STK11IP: variants seen among roughly 807,000 people sequenced by gnomAD.
The protein encoded by STK11IP is serine/threonine kinase 11 interacting protein, also known as serine/threonine-protein kinase 11-interacting protein.
In STK11IP, 103 loss-of-function variants were observed where a neutral mutation model predicts 131.7. The ratio of observed to expected loss-of-function variants is 0.78; its 90% confidence interval spans 0.67 to 0.92. The LOEUF (loss-of-function observed/expected upper bound fraction) is 0.92, where lower values mean the gene tolerates loss of function less well. Ranked by LOEUF, STK11IP falls within the 40% of genes least tolerant of loss-of-function variation. The pLI is 0.00. For missense variants in STK11IP, 1,315 were observed against 1,385.7 expected (o/e 0.95, Z 0.81); for synonymous variants, 557 against 575.6 (o/e 0.97, Z 0.46).
chr2:219,606,903 C>T, intron 12 of STK11IP, 45 bp downstream of exon 12: 2 of 1,591,088 alleles, frequency 1.3e-6, no homozygotes, highest in South Asian at 1.1e-5. Flanking sequence ...TTGGGTGTCT[C>T]TCCGGGGACT....
In STK11IP at chr2:219,606,507, CAG is replaced by C. The variant is rs1232700748; in HGVS notation, c.979_980del (p.Asp327PhefsTer25). The stretch of plus-strand genomic sequence containing the variant: ...CTCGATGGCAAGGTCTTGTCACTGA[CAG>C]ATTTTCAGGTCGGTGTGGTTGGGGG... On this transcript the variant is annotated frameshift_variant, in exon 11 of 25. Transcript: ENST00000456909. LOFTEE classifies it high-confidence loss of function. The C allele has an allele frequency of 6.2e-7, 1 of 1,612,696 alleles. No homozygotes were observed. Among genetic ancestry groups the C allele is most frequent in the Admixed American group, 1.7e-5 (1 of 59,796 alleles).
chr2:219,602,644 T>C, intron 6 of STK11IP, 61 bp from the exon 7 acceptor site: 1 of 1,611,658 alleles, frequency 6.2e-7, no homozygotes, highest in Non-Finnish European at 8.5e-7. Context: ...GAGGGCCAGC[T>C]GGTTGACCAG....
At chr2:219,598,783 C>G (rs1311088667) in intron 2 of STK11IP, among the ~76,000 whole-genome samples, 1 of 152,240 alleles carries the variant, frequency 6.6e-6, no homozygotes, top group East Asian at 1.9e-4. Flanking sequence ...AATGGAGCCA[C>G]AGTAGTTGTT....
At chr2:219,609,917 G>A (rs927966758) in intron 17 of STK11IP, among the ~76,000 whole-genome samples, 29 of 152,142 alleles carry the variant, frequency 1.9e-4, no homozygotes, top group East Asian at 1.9e-4. Context: ...TTGGATTGTG[G>A]TGCTGCCTCT....
intron 7 of STK11IP, 132 bp from the exon 8 acceptor site, chr2:219,605,476 G>A (rs1698119860): frequency 2.4e-6 from 2 of 832,180 alleles, no homozygotes; most frequent in Non-Finnish European, 1.9e-6. Context: ...AGGGGTGGAT[G>A]AAATCATTTG....
rs773563980 is a variant in STK11IP, at chr2:219,616,136, G to A, written c.3210G>A (p.Glu1070=). 20 of 1,613,832 alleles carry A rather than the reference G, an allele frequency of 1.2e-5. No homozygotes were observed. Among genetic ancestry groups the A allele is most frequent in the Admixed American group, 3.3e-5 (2 of 60,030 alleles). The change falls in exon 25 of 25, where the codon GAG becomes GAA. Residue 1070 remains glutamate (E), a synonymous_variant. Coordinates refer to ENST00000456909, the MANE Select transcript of STK11IP (RefSeq NM_052902.4). ...CCTGGATCCGGGAACCATGGGAGGAGCTGTTTTCCATCGGACTCCGGACAG... is the reference window on the plus strand; with the variant it reads ...CCTGGATCCGGGAACCATGGGAGGAACTGTTTTCCATCGGACTCCGGACAG... The part of the protein sequence containing the change: ...LLAWIREPWE[E]LFSIGLRTVI...
chr2:219,614,207 C>T lies in STK11IP; in HGVS notation c.2763C>T (p.Ala921=), dbSNP rs1034737621. Residue 921 remains alanine (A), a synonymous_variant, in exon 22 of 25, where the codon GCC becomes GCT. Coordinates refer to ENST00000456909, the MANE Select transcript of STK11IP (RefSeq NM_052902.4). ...LPPAWRNCVS[A]TEEEVTPQHR... ...CTGCCTGGAGGAACTGTGTCAGTGC[C>T]ACAGAGGAGGAGGTCACCCCCCAGC... 7 of 1,613,346 alleles carry T rather than the reference C, an allele frequency of 4.3e-6. No homozygotes were observed. The African/African-American group carries it at 8.0e-5, about 18-fold the overall frequency.
rs778411510 is a variant in STK11IP at position 219,601,669 on chromosome 2, C to T, written c.296C>T (p.Thr99Ile). Residue 99 changes from threonine to isoleucine, a missense_variant, in exon 4 of 25, where the codon ACA becomes ATA. Thr to Ile is a moderately conservative substitution (Grantham distance 89). Coordinates refer to ENST00000456909, the MANE Select transcript of STK11IP (RefSeq NM_052902.4). ...GTCCATGTTGCTGGTCCTGGCCCCA[C>T]AGGGCCCATCAAGATTTTCCCCTTC... Reference protein sequence around the residue: ...KLVHVAGPGPTGPIKIFPFKS... With the variant: ...KLVHVAGPGPIGPIKIFPFKS... 2 of 1,601,592 alleles carry T rather than the reference C, an allele frequency of 1.2e-6. No homozygotes were observed. The highest frequency in any genetic ancestry group is 1.1e-5 in the South Asian group (1 of 89,062).
intron 17 of STK11IP, 166 bp downstream of exon 17, chr2:219,609,706 C>T (rs1354214028): frequency 2.8e-6 from 2 of 714,172 alleles, no homozygotes; most frequent in East Asian, 5.8e-5. Flanking sequence ...GCTGCATTTA[C>T]AAAAAGGAAA....
chr2:219,602,905 T>C (rs1352937738), intron 7 of STK11IP, 129 bp downstream of exon 7: 5 of 839,204 alleles, frequency 6.0e-6, no homozygotes, highest in African/African-American at 1.7e-5. Context: ...TTCTGGGAGA[T>C]AGCACTGCTT....
chr2:219,616,401 A>C lies in STK11IP; in HGVS notation c.*208A>C. 1 of 579,928 alleles carries C rather than the reference A, an allele frequency of 1.7e-6. No individual in the cohort carries two copies. Among genetic ancestry groups the C allele is most frequent in the Non-Finnish European group, 2.9e-6 (1 of 340,960 alleles). 35.9% of individuals were successfully genotyped at this position (579,928 alleles called of 1,614,324 possible). A position where few individuals can be genotyped will look rare whatever the true frequency, so the allele number is the denominator to read the frequency against. On this transcript the variant is annotated 3_prime_UTR_variant, in exon 25 of 25. Coordinates refer to ENST00000456909, the MANE Select transcript of STK11IP (RefSeq NM_052902.4). ...GACAGGCCACCTGGTCAGGAGGAAT[A>C]TTTTTCCTGCACTTTTTCTCAGGTA...
chr2:219,611,564 T>TGG, intron 17 of STK11IP, 40 bp from the exon 18 acceptor site: 1 of 1,504,118 alleles, frequency 6.6e-7, no homozygotes, highest in Non-Finnish European at 9.2e-7. Context: ...TGTGGCACTG[T>TGG]GGGGGGGGCT....
At chr2:219,609,783 A>G (rs1023023090) in intron 17 of STK11IP, 7 of 481,614 alleles carry the variant, frequency 1.5e-5, no homozygotes, top group African/African-American at 1.4e-4. Context: ...CAGGAAATGC[A>G]ATCTCTGTAA....
chr2:219,603,977 A>G (rs964489068), intron 7 of STK11IP, among the ~76,000 whole-genome samples: 3 of 152,274 alleles, frequency 2.0e-5, no homozygotes, highest in Middle Eastern at 3.4e-3. Flanking sequence ...GAGCAGAGTA[A>G]GGGAAGTGGA....
chr2:219,607,258 G>A (rs1698223437), intron 13 of STK11IP, 121 bp downstream of exon 13: 1 of 916,446 alleles, frequency 1.1e-6, no homozygotes, highest in African/African-American at 1.7e-5. Flanking sequence ...TATTATAGAG[G>A]GCTTCTTAGT....
intron 17 of STK11IP, among the ~76,000 whole-genome samples, chr2:219,610,392 C>T (rs536498665): frequency 1.7e-5 from 2 of 119,480 alleles, no homozygotes; most frequent in South Asian, 3.7e-4. Flanking sequence ...GCTCTGTTCT[C>T]CTTTAATTTT....
Position 219,606,697 on chromosome 2 carries a change from G to T in STK11IP, c.988-15G>T, listed in dbSNP as rs1406897742. ...AGGCTCCAACCTCTCTCTCCTTCCT[G>T]TCGTCACGTGCCAGACTCACACATC... is the stretch of plus-strand genomic sequence containing the variant. On this transcript the variant is annotated splice_polypyrimidine_tract_variant and intron_variant, in intron 11 of 24. Coordinates refer to ENST00000456909, the MANE Select transcript of STK11IP (RefSeq NM_052902.4). 6.2e-7 allele frequency: 1 copy of T among 1,601,482 alleles called. No homozygotes were observed. Among genetic ancestry groups the T allele is most frequent in the East Asian group, 2.2e-5 (1 of 44,666 alleles).
intron 19 of STK11IP, among the ~76,000 whole-genome samples, chr2:219,612,817 C>G (rs1445539905): frequency 3.3e-5 from 5 of 152,186 alleles, no homozygotes; most frequent in African/African-American, 1.2e-4. Context: ...CCACTGGGAG[C>G]CACTGAAGGA....
At position 219,615,334 on chromosome 2, in the gene STK11IP, A is replaced by G. The variant is rs764636297; in HGVS notation, c.3110A>G (p.Tyr1037Cys). ...SAPEDLRLLF[Y>C]DEVSRLESFW... ...CCTGAGGACTTGCGGCTGCTCTTCT[A>G]CGATGAGGTGTGTATGTGTATCTCC... The change falls in exon 24 of 25, where the codon TAC becomes TGC. Residue 1037 changes from tyrosine to cysteine, a missense_variant. Tyr to Cys is a radical substitution (Grantham distance 194). Transcript: ENST00000456909. 1 of 1,600,704 alleles carries G rather than the reference A, an allele frequency of 6.2e-7. No homozygotes were observed. The highest frequency in any genetic ancestry group is 8.5e-7 in the Non-Finnish European group (1 of 1,178,868).
Sources: allele counts gnomAD v4.1 joint callset (sites outside exome capture counted in the v4.1 genomes callset), GRCh38; gene constraint gnomAD v4.1.1; transcripts MANE v1.5; gene names NCBI Gene and HGNC (gene_info 2026-07-23, HGNC 2026-07-21).